The following TTLL2 variants were observed in gnomAD, a reference collection of about 807,000 sequenced individuals.
The protein encoded by TTLL2 is tubulin tyrosine ligase like 2, also known as probable tubulin polyglutamylase TTLL2.
TTLL2 carries 10 observed loss-of-function variants against 7.5 expected under a neutral mutation model. That is an observed-to-expected ratio of 1.33 (90% confidence interval 0.82 to 2.25). TTLL2 has a LOEUF of 2.25. Ranked by LOEUF, TTLL2 falls within the 30% of genes most tolerant of loss-of-function variation. The pLI is 0.00. For synonymous variants in TTLL2, 284 were observed against 280.3 expected, an observed-to-expected ratio of 1.01 and a Z score of -0.13; for missense variants, 733 against 735.7, an observed-to-expected ratio of 1.00 and a Z score of 0.04.
At chr6:167,328,407 C>T in intron 1 of TTLL2, 2 of 287,804 alleles carry the variant, frequency 6.9e-6, no homozygotes, top group South Asian at 7.6e-5. Flanking sequence ...GGGGCTCTTC[C>T]CCCTTCCTAC....
At position 167,341,762 on chromosome 6, in the gene TTLL2, T is replaced by C; in HGVS notation, c.*83T>C. On this transcript the variant is annotated 3_prime_UTR_variant, in exon 3 of 3. Transcript: ENST00000239587. ...GTCCTAGAGAAAGCAATAGTTCAAG[T>C]CCCTACCTGTGCCACCAGCATGTTA... 8 of 1,404,514 alleles carry C rather than the reference T, an allele frequency of 5.7e-6. No homozygotes were observed. The highest frequency in any genetic ancestry group is 7.5e-6 in the Non-Finnish European group (8 of 1,062,850). The allele number at this position is 1,404,514 out of a possible 1,614,324, so 87.0% of individuals were successfully genotyped here. A position where few individuals can be genotyped will look rare whatever the true frequency, so the allele number is the denominator to read the frequency against.
In TTLL2 at chr6:167,338,824, G is replaced by GTTCGTTCC. The variant is rs377001028; in HGVS notation, c.204+24_204+25insGTTCCTTC. 1.5e-4 allele frequency: 158 copies of GTTCGTTCC among 1,061,318 alleles called. 1 individual carries two copies. The East Asian group carries it at 4.3e-3, about 29-fold the overall frequency. The allele number at this position is 1,061,318 out of a possible 1,614,324, so 65.7% of individuals were successfully genotyped here. On this transcript the variant is annotated intron_variant, in intron 2 of 2. Transcript: ENST00000239587. Reference sequence around the variant, plus strand: ...AGAAGGTGGGTGGGCAAGCCAGGTAGTTCCTTCCTTCCTTCCTTCCTTCCT... The same window carrying GTTCGTTCC: ...AGAAGGTGGGTGGGCAAGCCAGGTAGTTCGTTCCTTCCTTCCTTCCTTCCTTCCTTCCT...
At chr6:167,329,836 G>A (rs1483185504) in intron 1 of TTLL2, among the ~76,000 whole-genome samples, 1 of 152,138 alleles carries the variant, frequency 6.6e-6, no homozygotes, top group East Asian at 1.9e-4. Flanking sequence ...TCTGGTTCCA[G>A]CACCATCTCA....
At chr6:167,328,094 G>T (rs1360080052) in intron 1 of TTLL2, 1 of 455,514 alleles carries the variant, frequency 2.2e-6, no homozygotes, top group Admixed American at 2.4e-5. Flanking sequence ...CTGGGGCTCT[G>T]TCCTGTAAGC....
rs370234987 is a variant in TTLL2 at position 167,326,175 on chromosome 6, C to T, written c.47+955C>T. 2.6e-4 allele frequency among the ~76,000 whole-genome samples: 39 copies of T among 152,174 alleles called. 1 individual carries two copies. In the South Asian group the frequency reaches 6.6e-3, roughly 26 times the overall value. On this transcript the variant is annotated intron_variant, in intron 1 of 2. Transcript: ENST00000239587. ...CTACTCTGGGTGTCTTGGGGCTGAG[C>T]GTACACATGGGACTTGATCTTTGAC...
Position 167,341,959 on chromosome 6 carries a change from C to A in TTLL2, c.*280C>A. 2.6e-6 allele frequency: 1 copy of A among 385,162 alleles called. No individual in the cohort carries two copies. The allele number at this position is 385,162 out of a possible 1,614,324, so 23.9% of individuals were successfully genotyped here. On this transcript the variant is annotated 3_prime_UTR_variant, in exon 3 of 3. Transcript: ENST00000239587. ...AGCCTCCCACCAGTAATTGAATGTG[C>A]TACACTACGATTATGCTATGTATGT...
chr6:167,338,802 A>T lies in TTLL2; in HGVS notation c.203A>T (p.Lys68Met), dbSNP rs770433072. Residue 68 changes from lysine (K) to methionine (M), a missense_variant and splice_region_variant, in exon 2 of 3, where the codon AAG (lysine) becomes ATG (methionine). Transcript: ENST00000239587. ...RGRPTPTLEK[K>M]KKPHLMAEDE... ...CGCCCAACACCAACACTGGAGAAGAAGGTGGGTGGGCAAGCCAGGTAGTTC... is the reference window on the plus strand; with the variant it reads ...CGCCCAACACCAACACTGGAGAAGATGGTGGGTGGGCAAGCCAGGTAGTTC... 7 of 1,599,334 alleles carry T rather than the reference A, an allele frequency of 4.4e-6. No individual in the cohort carries two copies. The African/African-American group carries it at 9.6e-5, about 22-fold the overall frequency.
intron 2 of TTLL2, 110 bp downstream of exon 2, chr6:167,338,913 T>G: frequency 8.6e-7 from 1 of 1,157,068 alleles, no homozygotes; most frequent in South Asian, 1.8e-5. Context: ...CTTCTTCTTT[T>G]TCTTTCCTCC....
chr6:167,330,523 C>T (rs1778907420), intron 1 of TTLL2, among the ~76,000 whole-genome samples: 1 of 151,878 alleles, frequency 6.6e-6, no homozygotes, highest in Non-Finnish European at 1.5e-5. Flanking sequence ...TGTGCCATTG[C>T]ACTCCAGCCT....
rs1409015611 is a variant in TTLL2, at chr6:167,341,861, G to T, written c.*182G>T. On this transcript the variant is annotated 3_prime_UTR_variant, in exon 3 of 3. Coordinates refer to ENST00000239587, the MANE Select transcript of TTLL2 (RefSeq NM_031949.5). ...CTCTGACAAAGCACAATATGTTCAA[G>T]TGGTGATTAAACTACATTACATCCC... The T allele has an allele frequency of 6.0e-6, 4 of 661,450 alleles. No individual in the cohort carries two copies. In the African/African-American group the frequency reaches 7.3e-5, roughly 12 times the overall value. 41.0% of individuals were successfully genotyped at this position (661,450 alleles called of 1,614,324 possible).
intron 1 of TTLL2, 114 bp downstream of exon 1, chr6:167,325,334 T>A: frequency 3.6e-6 from 4 of 1,100,280 alleles, no homozygotes; most frequent in Non-Finnish European, 5.0e-6. Context: ...GCAGCGAGTG[T>A]GCACTGGGAC....
At chr6:167,328,365 C>G (rs1157757076) in intron 1 of TTLL2, 1 of 316,680 alleles carries the variant, frequency 3.2e-6, no homozygotes, top group Non-Finnish European at 6.3e-6. Context: ...GGGCCCCATA[C>G]ACCCAGGAAT....
At position 167,341,201 on chromosome 6, in the gene TTLL2, A is replaced by T; in HGVS notation, c.1301A>T (p.Asn434Ile). ...GAAGCCAGTAATGCCACACATGGAA[A>T]TTCCAACATCGACGCTGCAAAAAGT... ...GREASNATHG[N>I]SNIDAAKSDR... Residue 434 changes from asparagine to isoleucine, a missense_variant, in exon 3 of 3, where the codon AAT becomes ATT. Transcript: ENST00000239587. The T allele has an allele frequency of 6.2e-7, 1 of 1,613,720 alleles. No individual in the cohort carries two copies. Among genetic ancestry groups the T allele is most frequent in the Non-Finnish European group, 8.5e-7 (1 of 1,179,970 alleles).
chr6:167,340,939 C>G lies in TTLL2; in HGVS notation c.1039C>G (p.Arg347Gly). The G allele has an allele frequency of 6.2e-7, 1 of 1,614,030 alleles. No individual in the cohort carries two copies. Among genetic ancestry groups the G allele is most frequent in the Non-Finnish European group, 8.5e-7 (1 of 1,180,022 alleles). Residue 347 changes from arginine (R) to glycine (G), a missense_variant, in exon 3 of 3, where the codon CGC (arginine) becomes GGC (glycine). Arg to Gly is a moderately radical substitution (Grantham distance 125). Transcript: ENST00000239587. ...TCTGCTTTTGTGGAAGAAAATCCACCGCATGGTTATTCTCACCATTCTCGC... is the reference window on the plus strand; with the variant it reads ...TCTGCTTTTGTGGAAGAAAATCCACGGCATGGTTATTCTCACCATTCTCGC... ...DDLLLWKKIH[R>G]MVILTILAIA...
intron 2 of TTLL2, 83 bp from the exon 3 acceptor site, chr6:167,340,022 C>A: frequency 6.8e-7 from 1 of 1,470,838 alleles, no homozygotes; most frequent in Non-Finnish European, 9.1e-7. Flanking sequence ...GCTGGCAGCA[C>A]CGGGTGCACG....
chr6:167,340,816 G>A lies in TTLL2; in HGVS notation c.916G>A (p.Gly306Arg), dbSNP rs760905817. The A allele has an allele frequency of 2.1e-5, 34 of 1,613,980 alleles. No individual in the cohort carries two copies. Among genetic ancestry groups the A allele is most frequent in the Middle Eastern group, 1.6e-4 (1 of 6,084 alleles). Residue 306 changes from glycine to arginine, a missense_variant, in exon 3 of 3, where the codon GGG becomes AGG. Physicochemically the swap from Gly to Arg is moderately radical, Grantham distance 125. Transcript: ENST00000239587. ...HLTNSSINKS[G>R]ASYEKIKEVI... is the part of the protein sequence containing the mutation. ...GACCAACAGCAGCATCAATAAATCCGGGGCCTCTTATGAGAAGATCAAAGA... is the reference window on the plus strand; with the variant it reads ...GACCAACAGCAGCATCAATAAATCCAGGGCCTCTTATGAGAAGATCAAAGA...
chr6:167,341,877 A>C lies in TTLL2; in HGVS notation c.*198A>C. ...TATGTTCAAGTGGTGATTAAACTAC[A>C]TTACATCCCATGTTTATTTGCTCAG... On this transcript the variant is annotated 3_prime_UTR_variant, in exon 3 of 3. Coordinates refer to ENST00000239587, the MANE Select transcript of TTLL2 (RefSeq NM_031949.5). 1 of 587,264 alleles carries C rather than the reference A, an allele frequency of 1.7e-6. No individual in the cohort carries two copies. The allele number at this position is 587,264 out of a possible 1,614,324, so 36.4% of individuals were successfully genotyped here. A position where few individuals can be genotyped will look rare whatever the true frequency, so the allele number is the denominator to read the frequency against.
At chr6:167,325,309 C>T in intron 1 of TTLL2, 89 bp downstream of exon 1, 3 of 1,329,240 alleles carry the variant, frequency 2.3e-6, no homozygotes, top group Non-Finnish European at 3.0e-6. Flanking sequence ...AGCACAGGGG[C>T]CAGGGTCACT....
At chr6:167,331,481 G>T (rs1286456952) in intron 1 of TTLL2, among the ~76,000 whole-genome samples, 1 of 152,064 alleles carries the variant, frequency 6.6e-6, no homozygotes, top group East Asian at 1.9e-4. Context: ...TGTTTTTTTA[G>T]CTTTCACCTA....
Sources: gnomAD v4.1 joint callset for allele counts (sites outside exome capture counted in the v4.1 genomes callset) on GRCh38, gnomAD v4.1.1 for gene constraint, MANE v1.5 for transcripts, NCBI Gene and HGNC (gene_info 2026-07-23, HGNC 2026-07-21) for gene names.